TMEFF2: variants seen among roughly 807,000 people sequenced by gnomAD.
TMEFF2 encodes tomoregulin-2.
TMEFF2 carries 28 observed loss-of-function variants against 53.8 expected under a neutral mutation model. The observed-to-expected ratio is 0.52, with a 90% CI of 0.39 to 0.71. The LOEUF (loss-of-function observed/expected upper bound fraction) is 0.71. Ranked by LOEUF, TMEFF2 falls within the 30% of genes least tolerant of loss-of-function variation. The pLI is 0.00. For missense variants in TMEFF2, 353 were observed against 455.2 expected, an observed-to-expected ratio of 0.78 and a Z score of 2.04; for synonymous variants, 162 against 166.3, an observed-to-expected ratio of 0.97 and a Z score of 0.20.
intron 8 of TMEFF2, among the ~76,000 whole-genome samples, chr2:191,955,130 G>C (rs1364964222): frequency 8.8e-6 from 1 of 113,792 alleles, no homozygotes; most frequent in African/African-American, 3.2e-5. Flanking sequence ...ACAGCTCTAG[G>C]TGGGGGGCGG....
chr2:192,136,207 T>C (rs1308965780), intron 4 of TMEFF2, among the ~76,000 whole-genome samples: 2 of 152,232 alleles, frequency 1.3e-5, no homozygotes, highest in Non-Finnish European at 2.9e-5. Context: ...AATCCATCTT[T>C]AATTGGATTA....
chr2:192,047,193 T>C (rs1343974773), intron 5 of TMEFF2, among the ~76,000 whole-genome samples: 1 of 152,250 alleles, frequency 6.6e-6, no homozygotes, highest in East Asian at 1.9e-4. Context: ...AGTGCTTGGA[T>C]TACAGGCATG....
At chr2:192,170,337 C>T (rs945638155) in intron 4 of TMEFF2, among the ~76,000 whole-genome samples, 6 of 152,082 alleles carry the variant, frequency 3.9e-5, no homozygotes, top group African/African-American at 1.4e-4. Flanking sequence ...GTCAGCATAT[C>T]TGTAATGACT....
chr2:191,960,881 T>C (rs1477280266), intron 7 of TMEFF2, among the ~76,000 whole-genome samples: 2 of 152,162 alleles, frequency 1.3e-5, no homozygotes, highest in African/African-American at 4.8e-5. Flanking sequence ...TGTGTGGCCA[T>C]TTCTCAGGGA....
chr2:192,168,975 T>C (rs1169817852), intron 4 of TMEFF2, among the ~76,000 whole-genome samples: 2 of 152,030 alleles, frequency 1.3e-5, no homozygotes, highest in Non-Finnish European at 2.9e-5. Flanking sequence ...CACCTCAGCC[T>C]CCTCGGTAGC....
Position 192,194,224 on chromosome 2 carries a change from G to T in TMEFF2, c.172+129C>A. ...CCCTTGTTTCTCTGGATAGAGGTGG[G>T]TGGTATTAGGGGTCTAGGGCAGTAG... is the stretch of plus-strand genomic sequence containing the variant. On this transcript the variant is annotated intron_variant, in intron 1 of 9. Coordinates refer to ENST00000272771, the MANE Select transcript of TMEFF2 (RefSeq NM_016192.4). This position sits in a 1 kb window ranked among gnomAD's most constrained non-coding sequence, Gnocchi z 4.2. 1 of 1,078,306 alleles carries T rather than the reference G, an allele frequency of 9.3e-7. No individual in the cohort carries two copies. Among genetic ancestry groups the T allele is most frequent in the Non-Finnish European group, 1.4e-6 (1 of 733,470 alleles). 66.8% of individuals were successfully genotyped at this position (1,078,306 alleles called of 1,614,324 possible). A position where few individuals can be genotyped will look rare whatever the true frequency, so the allele number is the denominator to read the frequency against.
intron 2 of TMEFF2, among the ~76,000 whole-genome samples, chr2:192,188,698 A>G (rs1029407786): frequency 6.6e-6 from 1 of 152,216 alleles, no homozygotes; most frequent in Non-Finnish European, 1.5e-5. Context: ...ATAAGGCTTC[A>G]TCATATTTTT....
At chr2:192,137,188 G>A (rs1435875501) in intron 4 of TMEFF2, among the ~76,000 whole-genome samples, 1 of 152,150 alleles carries the variant, frequency 6.6e-6, no homozygotes, top group Non-Finnish European at 1.5e-5. Flanking sequence ...CAGAGGGAGA[G>A]GAGGCAAGAT....
In TMEFF2 at chr2:192,021,110, G is replaced by C. The variant is rs569864163; in HGVS notation, c.537-21902C>G. ...CTCCCTTACATCTTAAAGAGAGACT[G>C]TATCTTTGCAAGCACAGGTGTTGTC... On this transcript the variant is annotated intron_variant, in intron 5 of 9. Coordinates refer to ENST00000272771, the MANE Select transcript of TMEFF2 (RefSeq NM_016192.4). Among the ~76,000 whole-genome samples, 5 of 152,270 alleles carry C rather than the reference G, an allele frequency of 3.3e-5. No individual in the cohort carries two copies. In the South Asian group the frequency reaches 6.2e-4, roughly 19 times the overall value.
intron 7 of TMEFF2, among the ~76,000 whole-genome samples, chr2:191,960,338 C>A (rs149385031): frequency 2.0e-5 from 3 of 152,258 alleles, no homozygotes; most frequent in East Asian, 1.9e-4. Flanking sequence ...TAAAATAATT[C>A]GACTTCTATG....
chr2:192,110,740 A>AT, intron 4 of TMEFF2, among the ~76,000 whole-genome samples: 1 of 152,200 alleles, frequency 6.6e-6, no homozygotes, highest in East Asian at 1.9e-4. Flanking sequence ...GTTATTTTGC[A>AT]TTTACATAGT....
At chr2:192,041,926 TC>T (rs1378093513) in intron 5 of TMEFF2, among the ~76,000 whole-genome samples, 6 of 152,108 alleles carry the variant, frequency 3.9e-5, no homozygotes, top group Admixed American at 3.9e-4. Context: ...AGATCACTGA[TC>T]GGCCAGGTGC....
chr2:192,056,529 T>A (rs1409848393), intron 5 of TMEFF2, among the ~76,000 whole-genome samples: 1 of 152,172 alleles, frequency 6.6e-6, no homozygotes, highest in African/African-American at 2.4e-5. Flanking sequence ...TTCAATGTGC[T>A]TAAGGTGGGA....
intron 4 of TMEFF2, among the ~76,000 whole-genome samples, chr2:192,137,753 TTATATA>T (rs1690044817): frequency 6.7e-6 from 1 of 148,792 alleles, no homozygotes; most frequent in South Asian, 2.1e-4. Flanking sequence ...ATATATCTAC[TTATATA>T]TATAATATAT....
chr2:192,025,644 ACT>A (rs894991707), intron 5 of TMEFF2, among the ~76,000 whole-genome samples: 103 of 151,850 alleles, frequency 6.8e-4, no homozygotes, highest in Admixed American at 2.4e-3. Flanking sequence ...ATAATAAAAA[ACT>A]CTGTCTGGAA....
At chr2:192,020,154 T>C (rs746304779) in intron 5 of TMEFF2, among the ~76,000 whole-genome samples, 3 of 152,128 alleles carry the variant, frequency 2.0e-5, no homozygotes, top group South Asian at 4.1e-4. Flanking sequence ...TTTTCCCTAG[T>C]ATTGTTGGTT....
At chr2:192,130,962 A>C (rs1689809951) in intron 4 of TMEFF2, among the ~76,000 whole-genome samples, 1 of 151,364 alleles carries the variant, frequency 6.6e-6, no homozygotes, top group African/African-American at 2.4e-5. Context: ...GGGACGCCTG[A>C]TTATTCACCC....
intron 5 of TMEFF2, chr2:192,035,408 G>A (rs1486171889): frequency 6.6e-6 from 1 of 152,218 alleles, no homozygotes; most frequent in Non-Finnish European, 1.5e-5. Context: ...TGTTTTGGAG[G>A]TAGGAAATTG....
chr2:192,048,202 G>T (rs546064886), intron 5 of TMEFF2, among the ~76,000 whole-genome samples: 106 of 151,854 alleles, frequency 7.0e-4, no homozygotes, highest in Non-Finnish European at 1.4e-3. Context: ...AGAATAATCA[G>T]AGCTTGGGAC....
Sources: allele counts gnomAD v4.1 joint callset (sites outside exome capture counted in the v4.1 genomes callset), GRCh38; gene constraint gnomAD v4.1.1; non-coding constraint Gnocchi (gnomAD v3.1); transcripts MANE v1.5; gene names NCBI Gene and HGNC (gene_info 2026-07-23, HGNC 2026-07-21).